Variants in CREB5 observed in about 807,000 individuals in gnomAD.
CREB5 encodes the protein cAMP responsive element binding protein 5, also known as cyclic AMP-responsive element-binding protein 5.
Under a neutral mutation model 57.1 loss-of-function variants are expected in CREB5, and 19 were observed. The observed-to-expected ratio is 0.33, with a 90% CI of 0.23 to 0.49. The LOEUF (loss-of-function observed/expected upper bound fraction) is 0.49. CREB5 is among the 20% of genes least tolerant of loss of function. The probability of loss-of-function intolerance (pLI) is 0.99; values close to 1 mark genes in which losing one functional copy is unlikely to be tolerated. For synonymous variants in CREB5, 238 were observed against 238.3 expected (o/e 1.00, Z 0.01); for missense variants, 579 against 671.6 (o/e 0.86, Z 1.52).
chr7:28,404,411 G>A (rs756699705), intron 1 of CREB5, among the ~76,000 whole-genome samples: 21 of 152,208 alleles, frequency 1.4e-4, no homozygotes, highest in Middle Eastern at 3.4e-3. Flanking sequence ...ATCCCACTCA[G>A]TCAGAGAGAT....
Position 28,486,670 on chromosome 7 carries a change from TTATA to T in CREB5, c.4-1485_4-1482del, listed in dbSNP as rs139222705. 8.0e-3 allele frequency among the ~76,000 whole-genome samples: 710 copies of T among 89,138 alleles called. 63 individuals carry two copies. The highest frequency in any genetic ancestry group is 0.029 in the African/African-American group (669 of 23,458). The allele number at this position is 89,138 out of a possible 152,430, so 58.5% of individuals were successfully genotyped here. A position where few individuals can be genotyped will look rare whatever the true frequency, so the allele number is the denominator to read the frequency against. On this transcript the variant is annotated intron_variant, in intron 1 of 10. Transcript: ENST00000357727. ...AACTAAACGTGTATCTCCTATGATT[TTATA>T]TATATATATATATATATATGTTACT... is the stretch of plus-strand genomic sequence containing the variant.
At chr7:28,380,449 G>A (rs942110793) in intron 1 of CREB5, among the ~76,000 whole-genome samples, 9 of 152,180 alleles carry the variant, frequency 5.9e-5, no homozygotes, top group South Asian at 2.1e-4. Context: ...GGTCTGCTGC[G>A]ATGGTGCTAG....
intron 1 of CREB5, among the ~76,000 whole-genome samples, chr7:28,446,176 T>C (rs1789456553): frequency 6.6e-6 from 1 of 152,158 alleles, no homozygotes; most frequent in Non-Finnish European, 1.5e-5. Context: ...TTGTTGTTTT[T>C]GGTTGGTCTG....
chr7:28,531,946 T>C (rs1324834225), intron 4 of CREB5, among the ~76,000 whole-genome samples: 3 of 152,158 alleles, frequency 2.0e-5, no homozygotes, highest in African/African-American at 7.2e-5. Context: ...GGAGAATCGT[T>C]TGAACCCAGG....
At chr7:28,424,451 T>A (rs547218502) in intron 1 of CREB5, among the ~76,000 whole-genome samples, 55 of 152,330 alleles carry the variant, frequency 3.6e-4, no homozygotes, top group African/African-American at 1.2e-3. Flanking sequence ...TGGAAAAACC[T>A]GGAACAAGTC....
intron 5 of CREB5, among the ~76,000 whole-genome samples, chr7:28,673,262 A>G (rs555977214): frequency 2.0e-5 from 3 of 152,310 alleles, no homozygotes; most frequent in South Asian, 2.1e-4. Context: ...CACAATGGCT[A>G]TCATCACACA....
At chr7:28,616,133 G>C (rs1797588652) in intron 5 of CREB5, among the ~76,000 whole-genome samples, 1 of 152,134 alleles carries the variant, frequency 6.6e-6, no homozygotes, top group Non-Finnish European at 1.5e-5. Flanking sequence ...TTGTAAACTG[G>C]TAATTAGGGG....
chr7:28,818,548 C>T (rs1809572199), intron 10 of CREB5, among the ~76,000 whole-genome samples: 1 of 152,200 alleles, frequency 6.6e-6, no homozygotes, highest in Admixed American at 6.5e-5. Context: ...TTGGGTGAAT[C>T]ATATCCAGTG....
intron 1 of CREB5, among the ~76,000 whole-genome samples, chr7:28,363,494 G>A (rs1786529869): frequency 1.3e-5 from 2 of 151,862 alleles, no homozygotes; most frequent in Non-Finnish European, 2.9e-5. Flanking sequence ...ATCTCAAGCA[G>A]CCTCTCTTCC....
chr7:28,633,351 C>T (rs1798277575), intron 5 of CREB5, among the ~76,000 whole-genome samples: 1 of 147,850 alleles, frequency 6.8e-6, no homozygotes, highest in Admixed American at 6.8e-5. Flanking sequence ...TCAGTTTAAA[C>T]CAAGGATTCA....
chr7:28,357,642 C>G (rs909728430), intron 1 of CREB5, among the ~76,000 whole-genome samples: 1 of 152,098 alleles, frequency 6.6e-6, no homozygotes, highest in Non-Finnish European at 1.5e-5. Flanking sequence ...TTTAGAGATG[C>G]GTGACTTCGT....
At chr7:28,608,849 A>G (rs1489612164) in intron 5 of CREB5, among the ~76,000 whole-genome samples, 2 of 152,194 alleles carry the variant, frequency 1.3e-5, no homozygotes. Flanking sequence ...TGTCTGGCTC[A>G]AATAAGAGAA....
At chr7:28,457,528 G>A (rs562688123) in intron 1 of CREB5, among the ~76,000 whole-genome samples, 61 of 152,252 alleles carry the variant, frequency 4.0e-4, no homozygotes, top group African/African-American at 1.5e-3. Flanking sequence ...TTTTTTTTGA[G>A]AAGGTACTAG....
intron 1 of CREB5, 98 bp from the exon 2 acceptor site, chr7:28,488,077 G>A: frequency 9.8e-7 from 1 of 1,018,098 alleles, no homozygotes; most frequent in South Asian, 1.4e-5. Flanking sequence ...GCATAGAAAG[G>A]GGGCTCTGAG....
At chr7:28,739,917 C>A (rs1483584233) in intron 7 of CREB5, among the ~76,000 whole-genome samples, 1 of 152,234 alleles carries the variant, frequency 6.6e-6, no homozygotes, top group Non-Finnish European at 1.5e-5. Flanking sequence ...TCATTAATGT[C>A]TTTCTACTGG....
intron 4 of CREB5, among the ~76,000 whole-genome samples, chr7:28,560,771 G>A (rs1391999123): frequency 6.6e-6 from 1 of 151,678 alleles, no homozygotes; most frequent in Non-Finnish European, 1.5e-5. Flanking sequence ...ATTGGCTCTC[G>A]GTGACACATC....
At chr7:28,648,374 T>C (rs1371130522) in intron 5 of CREB5, among the ~76,000 whole-genome samples, 1 of 152,006 alleles carries the variant, frequency 6.6e-6, no homozygotes, top group Non-Finnish European at 1.5e-5. Flanking sequence ...TAAATATGGG[T>C]GTAAGACAAT....
At chr7:28,651,871 A>G (rs1213451611) in intron 5 of CREB5, among the ~76,000 whole-genome samples, 1 of 152,180 alleles carries the variant, frequency 6.6e-6, no homozygotes, top group African/African-American at 2.4e-5. Flanking sequence ...TCTAGGTAGC[A>G]TGGTAGAGGA....
chr7:28,513,043 G>A (rs1160978391), intron 4 of CREB5, among the ~76,000 whole-genome samples: 3 of 152,166 alleles, frequency 2.0e-5, no homozygotes, highest in Non-Finnish European at 4.4e-5. Context: ...CCTCAGCTCC[G>A]CAAAGCAGGC....
Sources: allele counts gnomAD v4.1 joint callset (sites outside exome capture counted in the v4.1 genomes callset), GRCh38; gene constraint gnomAD v4.1.1; transcripts MANE v1.5; gene names NCBI Gene and HGNC (gene_info 2026-07-23, HGNC 2026-07-21).